The following CD2AP variants were observed in gnomAD, a reference collection of about 807,000 sequenced individuals.
CD2AP encodes the protein CD2-associated protein.
A neutral mutation model predicts 85.1 loss-of-function variants in CD2AP; 46 were observed. The ratio of observed to expected loss-of-function variants is 0.54; its 90% CI spans 0.43 to 0.69. The LOEUF is 0.69. Ranked by LOEUF, CD2AP falls within the 30% of genes least tolerant of loss-of-function variation. The probability of loss-of-function intolerance (pLI) is 0.00; values close to 1 mark genes in which losing one functional copy is unlikely to be tolerated. For missense variants in CD2AP, 769 were observed against 729.5 expected, an observed-to-expected ratio of 1.05 and a Z score of -0.62; for synonymous variants, 255 against 252.9, an observed-to-expected ratio of 1.01 and a Z score of -0.08.
At position 47,624,277 on chromosome 6, in the gene CD2AP, T is replaced by C; in HGVS notation, c.*50T>C. On this transcript the variant is annotated 3_prime_UTR_variant, in exon 18 of 18. Coordinates refer to ENST00000359314, the MANE Select transcript of CD2AP (RefSeq NM_012120.3). ...TGTTCCAGGGATTCAGAAGCAACGC[T>C]ATGAACTTCAGCTGACTTGTTACTT... 1 of 1,414,600 alleles carries C rather than the reference T, an allele frequency of 7.1e-7. No individual in the cohort carries two copies. Among genetic ancestry groups the C allele is most frequent in the Non-Finnish European group, 1.0e-6 (1 of 998,920 alleles). The allele number at this position is 1,414,600 out of a possible 1,614,324, so 87.6% of individuals were successfully genotyped here.
At chr6:47,526,903 A>G (rs1766743137) in intron 2 of CD2AP, among the ~76,000 whole-genome samples, 1 of 152,172 alleles carries the variant, frequency 6.6e-6, no homozygotes, top group Non-Finnish European at 1.5e-5. Context: ...TTTTATGTAG[A>G]TTTTGTTTTT....
At chr6:47,599,750 A>G (rs1211584693) in intron 13 of CD2AP, among the ~76,000 whole-genome samples, 1 of 152,072 alleles carries the variant, frequency 6.6e-6, no homozygotes, top group East Asian at 1.9e-4. Context: ...CAACGGAGAT[A>G]TGAATACACT....
rs1554129255 is a variant in CD2AP at position 47,615,789 on chromosome 6, T to TTTAA, written c.1878+3256_1878+3259dup. On this transcript the variant is annotated intron_variant, in intron 17 of 17. Transcript: ENST00000359314. ...AATTTTAATTTTAATTTTAATTTAA[T>TTTAA]TTAATTTATTTATTTATTTATTTAT... Among the ~76,000 whole-genome samples the TTTAA allele has an allele frequency of 8.0e-3, 714 of 89,768 alleles. 8 individuals are homozygous for TTTAA. Among genetic ancestry groups the TTTAA allele is most frequent in the African/African-American group, 0.023 (638 of 27,750 alleles). The allele number at this position is 89,768 out of a possible 152,430, so 58.9% of individuals were successfully genotyped here.
chr6:47,612,611 T>A (rs1444273610), intron 17 of CD2AP, 75 bp downstream of exon 17: 3 of 954,950 alleles, frequency 3.1e-6, no homozygotes, highest in Non-Finnish European at 5.1e-6. Context: ...AACTGGGTAA[T>A]CGGTTCCTGT....
intron 2 of CD2AP, among the ~76,000 whole-genome samples, chr6:47,515,821 T>C (rs562882579): frequency 1.6e-4 from 25 of 152,168 alleles, no homozygotes; most frequent in Non-Finnish European, 3.4e-4. Flanking sequence ...TCAAACTGTT[T>C]CTCAAATTGC....
At chr6:47,505,308 G>A (rs1766111599) in intron 2 of CD2AP, among the ~76,000 whole-genome samples, 1 of 148,514 alleles carries the variant, frequency 6.7e-6, no homozygotes, top group Non-Finnish European at 1.5e-5. Context: ...AACCCTGAGT[G>A]GACACAGCAC....
chr6:47,610,192 C>G (rs1462602738), intron 16 of CD2AP, among the ~76,000 whole-genome samples: 3 of 152,268 alleles, frequency 2.0e-5, no homozygotes, highest in East Asian at 3.9e-4. Context: ...AGCTAGAACT[C>G]AAACCCATAT....
At chr6:47,574,725 C>T (rs1324444552) in intron 6 of CD2AP, among the ~76,000 whole-genome samples, 3 of 151,892 alleles carry the variant, frequency 2.0e-5, no homozygotes, top group Non-Finnish European at 2.9e-5. Flanking sequence ...ATTAAATTTA[C>T]TAAACTTCTT....
intron 7 of CD2AP, 139 bp downstream of exon 7, chr6:47,576,741 G>C: frequency 1.4e-6 from 1 of 712,450 alleles, no homozygotes; most frequent in Non-Finnish European, 2.4e-6. Flanking sequence ...TGAGGTCAAG[G>C]ATTTTGATAT....
chr6:47,553,032 C>T (rs1767569739), intron 4 of CD2AP, among the ~76,000 whole-genome samples: 1 of 151,676 alleles, frequency 6.6e-6, no homozygotes, highest in Admixed American at 6.6e-5. Flanking sequence ...TTGCTCCTAA[C>T]AGCATTTTGT....
chr6:47,611,853 G>A (rs1385923330), intron 16 of CD2AP, among the ~76,000 whole-genome samples: 2 of 151,874 alleles, frequency 1.3e-5, no homozygotes, highest in Non-Finnish European at 1.5e-5. Context: ...AATTTTAGCA[G>A]CATGAAAATG....
chr6:47,585,173 G>T (rs1768589493), intron 11 of CD2AP, among the ~76,000 whole-genome samples: 1 of 145,048 alleles, frequency 6.9e-6, no homozygotes, highest in Non-Finnish European at 1.6e-5. Flanking sequence ...TGTAGCGGCG[G>T]GCGCCTGTAG....
Position 47,543,706 on chromosome 6 carries a change from T to C in CD2AP, c.320-900T>C, listed in dbSNP as rs539779568. On this transcript the variant is annotated intron_variant, in intron 3 of 17. Coordinates refer to ENST00000359314, the MANE Select transcript of CD2AP (RefSeq NM_012120.3). ...TCCTATCTCATTAGGGTGTTACCCT[T>C]AGGACCTCATTTAACCCTATTTACC... 5.3e-5 allele frequency among the ~76,000 whole-genome samples: 8 copies of C among 152,324 alleles called. No homozygotes were observed. The East Asian group carries it at 1.5e-3, about 29-fold the overall frequency.
intron 3 of CD2AP, among the ~76,000 whole-genome samples, chr6:47,542,954 C>T (rs1200963362): frequency 6.6e-6 from 1 of 151,708 alleles, no homozygotes; most frequent in Non-Finnish European, 1.5e-5. Flanking sequence ...AGTTTGAGAC[C>T]AGCCTGACTA....
chr6:47,562,893 CT>C, intron 5 of CD2AP: 2 of 714,390 alleles, frequency 2.8e-6, no homozygotes, highest in South Asian at 1.5e-5. Flanking sequence ...ATGGGTAGGC[CT>C]CTGTAAAATT....
chr6:47,558,104 T>C (rs991789584), intron 5 of CD2AP, among the ~76,000 whole-genome samples: 1 of 152,142 alleles, frequency 6.6e-6, no homozygotes, highest in Non-Finnish European at 1.5e-5. Context: ...AATGGGAGTT[T>C]GCTCATGATT....
chr6:47,582,786 TTTTG>T (rs375967211), intron 11 of CD2AP, among the ~76,000 whole-genome samples: 7 of 100,652 alleles, frequency 7.0e-5, no homozygotes, highest in East Asian at 3.2e-4. Flanking sequence ...TTTTGTTTTT[TTTTG>T]TTTTGTTTTT....
At chr6:47,521,427 C>T (rs1766591759) in intron 2 of CD2AP, among the ~76,000 whole-genome samples, 1 of 152,066 alleles carries the variant, frequency 6.6e-6, no homozygotes. Context: ...TGGCGGGCGC[C>T]TGTAATTCCA....
At chr6:47,563,185 G>A (rs951840723) in intron 5 of CD2AP, among the ~76,000 whole-genome samples, 2 of 152,142 alleles carry the variant, frequency 1.3e-5, no homozygotes, top group Non-Finnish European at 1.5e-5. Flanking sequence ...TTTTCTGAGC[G>A]TATGTAATCC....
Sources: allele counts gnomAD v4.1 joint callset (sites outside exome capture counted in the v4.1 genomes callset), GRCh38; gene constraint gnomAD v4.1.1; transcripts MANE v1.5; gene names NCBI Gene and HGNC (gene_info 2026-07-23, HGNC 2026-07-21).